QSER1: variants seen among roughly 807,000 people sequenced by gnomAD.
The protein encoded by QSER1 is glutamine and serine-rich protein 1.
In QSER1, 49 loss-of-function variants were observed where a neutral mutation model predicts 158.5. The observed-to-expected ratio is 0.31, with a 90% confidence interval of 0.25 to 0.39. The LOEUF is 0.39. QSER1 is among the 10% of genes least tolerant of loss of function. The probability of loss-of-function intolerance (pLI) is 1.00; values close to 1 mark genes in which losing one functional copy is unlikely to be tolerated. For missense variants in QSER1, 1,754 were observed against 2,010.3 expected, an observed-to-expected ratio of 0.87 and a Z score of 2.44; for synonymous variants, 650 against 715.5, an observed-to-expected ratio of 0.91 and a Z score of 1.46.
Position 32,932,535 on chromosome 11 carries a change from C to G in QSER1, c.1277C>G (p.Pro426Arg), listed in dbSNP as rs770666259. ...QPLTSTKTPK[P>R]QSIIPPVQTL... is the part of the protein sequence containing the mutation. ...CTGACATCAACCAAGACCCCTAAACCTCAAAGTATAATTCCTCCTGTGCAA... is the reference window on the plus strand; with the variant it reads ...CTGACATCAACCAAGACCCCTAAACGTCAAAGTATAATTCCTCCTGTGCAA... The change falls in exon 4 of 13, where the codon CCT becomes CGT. Residue 426 changes from proline (P) to arginine (R), a missense_variant. This residue lies in a region of QSER1 where 1,707 missense variants were observed against 1,919.6 expected (regional missense o/e 0.89). Transcript: ENST00000650167. 2 of 1,614,124 alleles carry G rather than the reference C, an allele frequency of 1.2e-6. No individual in the cohort carries two copies. The highest frequency in any genetic ancestry group is 2.2e-5 in the South Asian group (2 of 91,080).
chr11:32,971,801 C>T (rs1490217322), intron 10 of QSER1, among the ~76,000 whole-genome samples: 3 of 152,064 alleles, frequency 2.0e-5, no homozygotes, highest in Admixed American at 6.5e-5. Flanking sequence ...CGGTGGCTCA[C>T]GCCTGAAATC....
At chr11:32,943,949 C>T (rs1852285423) in intron 4 of QSER1, among the ~76,000 whole-genome samples, 1 of 150,396 alleles carries the variant, frequency 6.6e-6, no homozygotes. Flanking sequence ...CAACTTCTTC[C>T]TGGTTTAGTC....
Position 32,979,459 on chromosome 11 carries a change from T to G in QSER1, c.*2985T>G, listed in dbSNP as rs1264316467. ...TTCATTATAACCCAATTTCCACTTA[T>G]TTGAACTCTTAAGTCATAAATGTAT... On this transcript the variant is annotated 3_prime_UTR_variant, in exon 13 of 13. Coordinates refer to ENST00000650167, the MANE Select transcript of QSER1 (RefSeq NM_001076786.3). 1 of 152,226 alleles carries G rather than the reference T, an allele frequency of 6.6e-6. No homozygotes were observed. Among genetic ancestry groups the G allele is most frequent in the Non-Finnish European group, 1.5e-5 (1 of 68,038 alleles). 9.4% of individuals were successfully genotyped at this position (152,226 alleles called of 1,614,324 possible). A position where few individuals can be genotyped will look rare whatever the true frequency, so the allele number is the denominator to read the frequency against.
At chr11:32,959,708 TA>T (rs1166569620) in intron 8 of QSER1, among the ~76,000 whole-genome samples, 1 of 152,028 alleles carries the variant, frequency 6.6e-6, no homozygotes, top group Non-Finnish European at 1.5e-5. Flanking sequence ...TGATTAGAAA[TA>T]GAACCATAAT....
At chr11:32,966,234 T>C (rs1021643233) in intron 8 of QSER1, 66 bp from the exon 9 acceptor site, 4 of 1,537,774 alleles carry the variant, frequency 2.6e-6, no homozygotes, top group East Asian at 2.3e-5. Flanking sequence ...GGTCTCGTTA[T>C]AGAGAAAAGT....
At chr11:32,911,429 A>G (rs1414835310) in intron 1 of QSER1, among the ~76,000 whole-genome samples, 2 of 151,816 alleles carry the variant, frequency 1.3e-5, no homozygotes, top group Non-Finnish European at 2.9e-5. Context: ...AAAAAAATAA[A>G]AAAGTACCAA....
In QSER1 at chr11:32,979,963, A is replaced by G. The variant is rs1180692524; in HGVS notation, c.*3489A>G. On this transcript the variant is annotated 3_prime_UTR_variant, in exon 13 of 13. Coordinates refer to ENST00000650167, the MANE Select transcript of QSER1 (RefSeq NM_001076786.3). The stretch of plus-strand genomic sequence containing the variant: ...TTCATATAGAGTGAAATATCCCAGG[A>G]TAACTGCTTCTGTGTCAGTCGCATT... 1.3e-5 allele frequency: 2 copies of G among 152,396 alleles called. No individual in the cohort carries two copies. The highest frequency in any genetic ancestry group is 3.8e-4 in the East Asian group (2 of 5,204). The allele number at this position is 152,396 out of a possible 1,614,324, so 9.4% of individuals were successfully genotyped here.
Position 32,932,153 on chromosome 11 carries a change from C to T in QSER1, c.895C>T (p.Leu299Phe). ...GACTCCTCAAGCCTACAGTTCAACTCTCTTTACTAGTTCTACTGCTTCCAT... is the reference window on the plus strand; with the variant it reads ...GACTCCTCAAGCCTACAGTTCAACTTTCTTTACTAGTTCTACTGCTTCCAT... ...QQTPQAYSST[L>F]FTSSTASIER... The change falls in exon 4 of 13, where the codon CTC becomes TTC. Residue 299 changes from leucine (L) to phenylalanine (F), a missense_variant. Leu to Phe is a conservative substitution (Grantham distance 22). Around this residue, in one of 2 missense-constraint regions of QSER1, gnomAD observed 1,707 missense variants for 1,919.6 expected, o/e 0.89. Transcript: ENST00000650167. The T allele has an allele frequency of 6.2e-7, 1 of 1,614,204 alleles. No homozygotes were observed.
chr11:32,925,918 CAT>C (rs1453393136), intron 1 of QSER1: 1 of 152,172 alleles, frequency 6.6e-6, no homozygotes, highest in East Asian at 1.9e-4. Context: ...TGTGCCTCCT[CAT>C]GTGATGCAAT....
chr11:32,930,710 T>G (rs140802556), intron 3 of QSER1, among the ~76,000 whole-genome samples: 281 of 152,328 alleles, frequency 1.8e-3, no homozygotes, highest in African/African-American at 6.0e-3. Flanking sequence ...TTATGGACTT[T>G]TTGTTGTTTC....
At chr11:32,948,401 T>C (rs995056944) in intron 4 of QSER1, among the ~76,000 whole-genome samples, 1 of 152,236 alleles carries the variant, frequency 6.6e-6, no homozygotes, top group African/African-American at 2.4e-5. Flanking sequence ...TTACCATCTA[T>C]GTATGCATCT....
At position 32,934,163 on chromosome 11, in the gene QSER1, C is replaced by T. The variant is rs779871760; in HGVS notation, c.2905C>T (p.Leu969Phe). The T allele has an allele frequency of 1.2e-6, 2 of 1,613,948 alleles. No homozygotes were observed. The highest frequency in any genetic ancestry group is 1.3e-5 in the African/African-American group (1 of 74,922). The change falls in exon 4 of 13, where the codon CTT becomes TTT. Residue 969 changes from leucine to phenylalanine, a missense_variant. By Grantham distance (22) the Leu-to-Phe change is conservative. Coordinates refer to ENST00000650167, the MANE Select transcript of QSER1 (RefSeq NM_001076786.3). ...ATCGATGTGTTTCCCAGAGGCAGTGCTTCTTAGTGATGAAAGAAATATTTT... is the reference window on the plus strand; with the variant it reads ...ATCGATGTGTTTCCCAGAGGCAGTGTTTCTTAGTGATGAAAGAAATATTTT... Reference protein sequence around the residue: ...LGSMCFPEAVLLSDERNILSN... With the variant: ...LGSMCFPEAVFLSDERNILSN...
intron 10 of QSER1, among the ~76,000 whole-genome samples, chr11:32,972,281 A>G (rs1178740560): frequency 1.3e-5 from 2 of 152,140 alleles, no homozygotes; most frequent in Admixed American, 1.3e-4. Context: ...AGCTCGATTT[A>G]ATTTTTATAA....
At chr11:32,943,788 G>A (rs936800350) in intron 4 of QSER1, among the ~76,000 whole-genome samples, 1 of 152,154 alleles carries the variant, frequency 6.6e-6, no homozygotes, top group Non-Finnish European at 1.5e-5. Flanking sequence ...TCTATTGATT[G>A]CAATAGTTTC....
chr11:32,973,374 T>TA, intron 10 of QSER1, 23 bp from the exon 11 acceptor site: 1 of 1,611,870 alleles, frequency 6.2e-7, no homozygotes, highest in Non-Finnish European at 8.5e-7. Flanking sequence ...TGGTGTCAGT[T>TA]ATTTTGCTTC....
chr11:32,918,406 T>G (rs561428899), intron 1 of QSER1, among the ~76,000 whole-genome samples: 1 of 151,838 alleles, frequency 6.6e-6, no homozygotes, highest in East Asian at 1.9e-4. Flanking sequence ...GATGTTGTTT[T>G]TTATGGGGTG....
intron 3 of QSER1, among the ~76,000 whole-genome samples, chr11:32,928,470 G>A (rs1476735835): frequency 6.6e-6 from 1 of 152,034 alleles, no homozygotes; most frequent in African/African-American, 2.4e-5. Context: ...AGGTGTTATA[G>A]TAAAAAAAAT....
chr11:32,956,056 A>G lies in QSER1; in HGVS notation c.4686A>G (p.Ala1562=), dbSNP rs1852505591. ...KRIYVKFIEN[A]NKKEYVRVCS... is the part of the protein sequence containing the mutation. ...TATATGTGAAGTTCATTGAAAATGC[A>G]AACAAGAAGGAATATGTCAGAGTGT... The change falls in exon 7 of 13, where the codon GCA becomes GCG. Residue 1562 remains alanine (A), a synonymous_variant. Coordinates refer to ENST00000650167, the MANE Select transcript of QSER1 (RefSeq NM_001076786.3). 1 of 1,610,738 alleles carries G rather than the reference A, an allele frequency of 6.2e-7. No homozygotes were observed. The highest frequency in any genetic ancestry group is 8.5e-7 in the Non-Finnish European group (1 of 1,177,384).
At chr11:32,925,494 T>TTTTG (rs1554926205) in intron 1 of QSER1, among the ~76,000 whole-genome samples, 2 of 143,568 alleles carry the variant, frequency 1.4e-5, no homozygotes, top group Non-Finnish European at 3.0e-5. Flanking sequence ...TACATCGCTT[T>TTTTG]TTTATTTATT....
Sources: allele counts gnomAD v4.1 joint callset (sites outside exome capture counted in the v4.1 genomes callset), GRCh38; gene constraint gnomAD v4.1.1; regional missense constraint gnomAD v4.1.1; transcripts MANE v1.5; gene names NCBI Gene and HGNC (gene_info 2026-07-23, HGNC 2026-07-21).